DNAJC15: variants seen among roughly 807,000 people sequenced by gnomAD.
DNAJC15 encodes the protein dnaJ homolog subfamily C member 15.
DNAJC15 carries 27 observed loss-of-function variants against 22.4 expected under a neutral mutation model. That is an observed-to-expected ratio of 1.20 (90% CI 0.89 to 1.66). The LOEUF (loss-of-function observed/expected upper bound fraction) is 1.66. Ranked by LOEUF, DNAJC15 falls within the 40% of genes most tolerant of loss-of-function variation. The pLI, the probability that DNAJC15 is intolerant of heterozygous loss-of-function variation, is 0.00. For missense variants in DNAJC15, 208 were observed against 187.1 expected (o/e 1.11, Z -0.65); for synonymous variants, 79 against 63.2 (o/e 1.25, Z -1.19).
intron 1 of DNAJC15, among the ~76,000 whole-genome samples, chr13:43,057,897 A>G (rs1193896966): frequency 2.6e-5 from 4 of 152,162 alleles, no homozygotes; most frequent in Non-Finnish European, 4.4e-5. Flanking sequence ...CAGCAGAGCT[A>G]CTGGGCTCTG....
At chr13:43,037,981 C>T (rs925072095) in intron 1 of DNAJC15, among the ~76,000 whole-genome samples, 5 of 152,176 alleles carry the variant, frequency 3.3e-5, no homozygotes, top group African/African-American at 1.2e-4. Flanking sequence ...GCTAAACATT[C>T]CTCAATAATA....
chr13:43,024,314 G>A (rs940230709), intron 1 of DNAJC15, among the ~76,000 whole-genome samples: 1 of 147,208 alleles, frequency 6.8e-6, no homozygotes, highest in Non-Finnish European at 1.5e-5. Context: ...GAAGCATATT[G>A]TGAGCCACAT....
intron 1 of DNAJC15, among the ~76,000 whole-genome samples, chr13:43,040,205 T>C (rs1289435110): frequency 6.6e-6 from 1 of 152,190 alleles, no homozygotes; most frequent in East Asian, 1.9e-4. Context: ...GTTGCATTAC[T>C]AGACTTGACA....
intron 1 of DNAJC15, among the ~76,000 whole-genome samples, chr13:43,064,753 A>G (rs1317612193): frequency 1.1e-4 from 16 of 152,266 alleles, no homozygotes; most frequent in Middle Eastern, 3.4e-3. Context: ...TACTTTATCC[A>G]AGAGGGTTGC....
At chr13:43,059,560 C>T (rs1005616849) in intron 1 of DNAJC15, among the ~76,000 whole-genome samples, 8 of 152,166 alleles carry the variant, frequency 5.3e-5, no homozygotes, top group African/African-American at 1.9e-4. Flanking sequence ...GCCACCACAC[C>T]CAGGATCTTT....
chr13:43,030,466 CAAT>C (rs1246214725), intron 1 of DNAJC15, among the ~76,000 whole-genome samples: 11 of 152,154 alleles, frequency 7.2e-5, no homozygotes, highest in Non-Finnish European at 1.0e-4. Context: ...AACACATAGA[CAAT>C]AAATAAATGT....
intron 2 of DNAJC15, among the ~76,000 whole-genome samples, chr13:43,068,655 T>C (rs903637158): frequency 2.0e-5 from 3 of 151,972 alleles, no homozygotes; most frequent in African/African-American, 7.2e-5. Context: ...AATATAAATG[T>C]AAGATATTAC....
chr13:43,046,985 C>G (rs1189514198), intron 1 of DNAJC15, among the ~76,000 whole-genome samples: 1 of 152,140 alleles, frequency 6.6e-6, no homozygotes, highest in East Asian at 1.9e-4. Context: ...TCTTCCATGA[C>G]CCACAGCTTC....
Position 43,065,853 on chromosome 13 carries a change from A to G in DNAJC15, c.160+116A>G, listed in dbSNP as rs533527040. On this transcript the variant is annotated intron_variant, in intron 2 of 5. Coordinates refer to ENST00000379221, the MANE Select transcript of DNAJC15 (RefSeq NM_013238.3). ...AGGTTTTGGTTTTCAGACATAATACATTCTCATTCTTTCCACCATTTGTAG... is the reference window on the plus strand; with the variant it reads ...AGGTTTTGGTTTTCAGACATAATACGTTCTCATTCTTTCCACCATTTGTAG... 1.0e-5 allele frequency: 8 copies of G among 795,412 alleles called. No homozygotes were observed. The South Asian group carries it at 1.0e-4, about 10-fold the overall frequency. The allele number at this position is 795,412 out of a possible 1,614,324, so 49.3% of individuals were successfully genotyped here.
chr13:43,059,109 C>T (rs923400582), intron 1 of DNAJC15, among the ~76,000 whole-genome samples: 1 of 152,086 alleles, frequency 6.6e-6, no homozygotes, highest in African/African-American at 2.4e-5. Flanking sequence ...TCTGCACGTC[C>T]GAGTGGGAGC....
chr13:43,074,773 G>A (rs947483632), intron 3 of DNAJC15, among the ~76,000 whole-genome samples: 2 of 152,176 alleles, frequency 1.3e-5, no homozygotes, highest in African/African-American at 4.8e-5. Flanking sequence ...AGTTTAGGAA[G>A]CATGATTTTC....
chr13:43,062,591 A>G (rs1275415200), intron 1 of DNAJC15, among the ~76,000 whole-genome samples: 3 of 152,260 alleles, frequency 2.0e-5, no homozygotes, highest in Non-Finnish European at 4.4e-5. Context: ...GTTTTCTTAT[A>G]TACAAAACTT....
Position 43,112,065 on chromosome 13 carries a change from T to C in DNAJC15, c.*4817T>C, listed in dbSNP as rs2040827477. The C allele has an allele frequency of 6.6e-6, 1 of 152,230 alleles. No homozygotes were observed. The highest frequency in any genetic ancestry group is 1.5e-5 in the Non-Finnish European group (1 of 68,032). The allele number at this position is 152,230 out of a possible 1,614,324, so 9.4% of individuals were successfully genotyped here. ...CCACCAGCAAAATTGCTGGGCATGGTGGACAAAGAAAATGTTCCTTCTAAT... is the reference window on the plus strand; with the variant it reads ...CCACCAGCAAAATTGCTGGGCATGGCGGACAAAGAAAATGTTCCTTCTAAT... On this transcript the variant is annotated 3_prime_UTR_variant, in exon 6 of 6. Coordinates refer to ENST00000379221, the MANE Select transcript of DNAJC15 (RefSeq NM_013238.3).
At chr13:43,105,956 A>G (rs1353816844) in intron 5 of DNAJC15, among the ~76,000 whole-genome samples, 1 of 152,222 alleles carries the variant, frequency 6.6e-6, no homozygotes, top group East Asian at 1.9e-4. Context: ...AAGTGTTTAT[A>G]GCAATTCAGA....
chr13:43,092,224 A>T (rs1201290023), intron 5 of DNAJC15, among the ~76,000 whole-genome samples: 1 of 152,178 alleles, frequency 6.6e-6, no homozygotes, highest in East Asian at 1.9e-4. Context: ...TGTTTTAAAT[A>T]TCTCTCATGA....
chr13:43,095,951 A>T (rs2040737686), intron 5 of DNAJC15, among the ~76,000 whole-genome samples: 1 of 152,170 alleles, frequency 6.6e-6, no homozygotes. Context: ...GAGGAGAGAA[A>T]TGGAATATTG....
At chr13:43,059,979 A>G (rs1307488503) in intron 1 of DNAJC15, among the ~76,000 whole-genome samples, 2 of 152,198 alleles carry the variant, frequency 1.3e-5, no homozygotes, top group African/African-American at 4.8e-5. Context: ...TCACAATGGA[A>G]TGTCATCAGT....
intron 3 of DNAJC15, among the ~76,000 whole-genome samples, chr13:43,071,760 C>T (rs1242764021): frequency 6.6e-6 from 1 of 152,148 alleles, no homozygotes; most frequent in Admixed American, 6.5e-5. Context: ...CAAGTTTCAA[C>T]GGGGGGTCTC....
chr13:43,059,293 G>A (rs1332908550), intron 1 of DNAJC15, among the ~76,000 whole-genome samples: 2 of 152,134 alleles, frequency 1.3e-5, no homozygotes, highest in African/African-American at 4.8e-5. Flanking sequence ...TAAAATATAT[G>A]TGACAGAACT....
Sources: gnomAD v4.1 joint callset for allele counts (sites outside exome capture counted in the v4.1 genomes callset) on GRCh38, gnomAD v4.1.1 for gene constraint, MANE v1.5 for transcripts, NCBI Gene and HGNC (gene_info 2026-07-23, HGNC 2026-07-21) for gene names.